The following CNTNAP2 variants were observed in gnomAD, a reference collection of about 807,000 sequenced individuals.
The protein encoded by CNTNAP2 is contactin-associated protein-like 2.
A neutral mutation model predicts 155.2 loss-of-function variants in CNTNAP2; 98 were observed. The observed-to-expected ratio is 0.63, with a 90% CI of 0.54 to 0.75. The LOEUF is 0.75. Among genes scored for constraint, CNTNAP2 ranks in the 30% least tolerant of loss-of-function variants. The probability of loss-of-function intolerance (pLI) is 0.00; values close to 1 mark genes in which losing one functional copy is unlikely to be tolerated. For synonymous variants in CNTNAP2, 651 were observed against 631.2 expected (o/e 1.03, Z -0.47); for missense variants, 1,727 against 1,688.1 (o/e 1.02, Z -0.40).
chr7:146,786,762 T>C (rs1443579703), intron 2 of CNTNAP2: 1 of 152,256 alleles, frequency 6.6e-6, no homozygotes, highest in Non-Finnish European at 1.5e-5. Context: ...TATGATTTTC[T>C]TAGCAAGGTA....
chr7:148,111,875 A>G (rs867360912), intron 15 of CNTNAP2, among the ~76,000 whole-genome samples: 5 of 152,180 alleles, frequency 3.3e-5, no homozygotes, highest in African/African-American at 9.7e-5. Context: ...TTTCTCAAGG[A>G]GCTACCTGAG....
intron 13 of CNTNAP2, among the ~76,000 whole-genome samples, chr7:147,892,585 T>C (rs942741437): frequency 1.3e-5 from 2 of 152,192 alleles, no homozygotes; most frequent in Admixed American, 1.3e-4. Context: ...ATATAATCTG[T>C]CACTTAAATT....
At chr7:147,077,499 C>T (rs1384671038) in intron 4 of CNTNAP2, among the ~76,000 whole-genome samples, 1 of 152,184 alleles carries the variant, frequency 6.6e-6, no homozygotes, top group Non-Finnish European at 1.5e-5. Context: ...GATCCCCGTA[C>T]TTCCTGAAAC....
chr7:147,759,566 A>G (rs1382628285), intron 13 of CNTNAP2, among the ~76,000 whole-genome samples: 1 of 152,172 alleles, frequency 6.6e-6, no homozygotes, highest in Non-Finnish European at 1.5e-5. Context: ...CAAAAATCAG[A>G]GCTCTTACAA....
intron 13 of CNTNAP2, among the ~76,000 whole-genome samples, chr7:147,740,852 G>T (rs528072836): frequency 1.3e-5 from 2 of 152,202 alleles, no homozygotes; most frequent in Non-Finnish European, 2.9e-5. Context: ...GGAAGGAGTC[G>T]AAGGGGAGCA....
At chr7:146,445,646 G>T (rs1639455) in intron 1 of CNTNAP2, among the ~76,000 whole-genome samples, 5,430 of 152,132 alleles carry the variant, frequency 0.036, 344 homozygotes, top group African/African-American at 0.12. Flanking sequence ...TTATGTGCTT[G>T]CATTATCAAG....
chr7:148,205,539 C>T (rs1420232931), intron 18 of CNTNAP2, among the ~76,000 whole-genome samples: 4 of 152,168 alleles, frequency 2.6e-5, no homozygotes, highest in African/African-American at 4.8e-5. Flanking sequence ...TAAGAGCATT[C>T]GTTAAGCTGT....
chr7:147,757,812 G>A (rs1432466439), intron 13 of CNTNAP2, among the ~76,000 whole-genome samples: 1 of 152,080 alleles, frequency 6.6e-6, no homozygotes, highest in African/African-American at 2.4e-5. Context: ...GCTAACTTAT[G>A]AACATATGGC....
chr7:146,666,568 C>G (rs574907291), intron 1 of CNTNAP2, among the ~76,000 whole-genome samples: 1 of 152,046 alleles, frequency 6.6e-6, no homozygotes, highest in East Asian at 1.9e-4. Flanking sequence ...TTTGAGGAAC[C>G]TCTATACTCT....
At chr7:146,980,785 G>A (rs946289097) in intron 3 of CNTNAP2, among the ~76,000 whole-genome samples, 4 of 152,094 alleles carry the variant, frequency 2.6e-5, no homozygotes, top group East Asian at 3.9e-4. Flanking sequence ...ACCAGGCCCC[G>A]CCTCCAACAC....
At chr7:148,163,022 A>T (rs141327449) in intron 17 of CNTNAP2, among the ~76,000 whole-genome samples, 1 of 152,136 alleles carries the variant, frequency 6.6e-6, no homozygotes, top group Non-Finnish European at 1.5e-5. Context: ...ATATAAGACA[A>T]TGTTCTGGCA....
chr7:146,298,243 G>C (rs979038013), intron 1 of CNTNAP2, among the ~76,000 whole-genome samples: 4 of 152,098 alleles, frequency 2.6e-5, no homozygotes, highest in African/African-American at 9.7e-5. Flanking sequence ...TGCTATTATT[G>C]AGTTATTGTT....
At chr7:146,177,587 T>C (rs1251291777) in intron 1 of CNTNAP2, among the ~76,000 whole-genome samples, 1 of 152,254 alleles carries the variant, frequency 6.6e-6, no homozygotes, top group African/African-American at 2.4e-5. Context: ...AAATTCTTAG[T>C]GTTTACTTCT....
chr7:146,941,693 C>T (rs560722446), intron 3 of CNTNAP2, among the ~76,000 whole-genome samples: 1 of 152,204 alleles, frequency 6.6e-6, no homozygotes, highest in Admixed American at 6.5e-5. Context: ...GATGAGCTCC[C>T]TCAGCTTTGT....
At chr7:148,050,086 C>T (rs1563180905) in intron 15 of CNTNAP2, among the ~76,000 whole-genome samples, 2 of 152,108 alleles carry the variant, frequency 1.3e-5, no homozygotes, top group East Asian at 3.9e-4. Flanking sequence ...CACTTGAGCC[C>T]GGGAGGCAGT....
At chr7:147,899,981 C>T (rs1290530073) in intron 13 of CNTNAP2, among the ~76,000 whole-genome samples, 7 of 152,264 alleles carry the variant, frequency 4.6e-5, no homozygotes, top group African/African-American at 1.4e-4. Context: ...CTGCCTACCA[C>T]GTCTAGGCTT....
chr7:147,470,161 G>A (rs1200333633), intron 10 of CNTNAP2, among the ~76,000 whole-genome samples: 2 of 152,174 alleles, frequency 1.3e-5, no homozygotes, highest in Non-Finnish European at 2.9e-5. Context: ...CAGCCTGGTT[G>A]CTATGAGAGT....
At chr7:146,228,283 T>C (rs896655778) in intron 1 of CNTNAP2, among the ~76,000 whole-genome samples, 1 of 152,230 alleles carries the variant, frequency 6.6e-6, no homozygotes, top group Non-Finnish European at 1.5e-5. Context: ...ACACCTTGTT[T>C]AGTAGTAAAC....
intron 21 of CNTNAP2, among the ~76,000 whole-genome samples, chr7:148,331,980 C>T (rs1798034705): frequency 6.6e-6 from 1 of 152,178 alleles, no homozygotes; most frequent in African/African-American, 2.4e-5. Flanking sequence ...CCAGATGCAG[C>T]ACCACCCTCT....
Sources: allele counts gnomAD v4.1 joint callset (sites outside exome capture counted in the v4.1 genomes callset), GRCh38; gene constraint gnomAD v4.1.1; transcripts MANE v1.5; gene names NCBI Gene and HGNC (gene_info 2026-07-23, HGNC 2026-07-21).